Variants in LRRTM4 observed in about 807,000 individuals in gnomAD.
LRRTM4 encodes the protein leucine rich repeat transmembrane neuronal 4, also known as leucine-rich repeat transmembrane neuronal protein 4.
In LRRTM4, 25 loss-of-function variants were observed where a neutral mutation model predicts 47.6. The observed-to-expected ratio is 0.53, with a 90% confidence interval of 0.38 to 0.73. LRRTM4 has a LOEUF of 0.73. Among genes scored for constraint, LRRTM4 ranks in the 30% least tolerant of loss-of-function variants. LRRTM4 has a pLI of 0.00. For missense variants in LRRTM4, 638 were observed against 713.4 expected, an observed-to-expected ratio of 0.89 and a Z score of 1.20; for synonymous variants, 311 against 269.5, an observed-to-expected ratio of 1.15 and a Z score of -1.51.
intron 3 of LRRTM4, among the ~76,000 whole-genome samples, chr2:77,140,877 A>G (rs1390779060): frequency 1.3e-5 from 2 of 152,244 alleles, no homozygotes; most frequent in African/African-American, 4.8e-5. Context: ...AAAAATGCTC[A>G]TCATCACTGG....
At chr2:77,438,034 C>A (rs910850869) in intron 3 of LRRTM4, among the ~76,000 whole-genome samples, 4 of 152,038 alleles carry the variant, frequency 2.6e-5, no homozygotes, top group African/African-American at 9.7e-5. Flanking sequence ...TACTAAATTT[C>A]TTTAGATTAA....
intron 3 of LRRTM4, among the ~76,000 whole-genome samples, chr2:77,107,928 A>C (rs181829118): frequency 6.6e-6 from 1 of 152,256 alleles, no homozygotes; most frequent in East Asian, 1.9e-4. Flanking sequence ...AGTTGTTTAG[A>C]AAATAACAAG....
chr2:76,809,220 A>G (rs1345370541), intron 3 of LRRTM4, among the ~76,000 whole-genome samples: 2 of 152,232 alleles, frequency 1.3e-5, no homozygotes, highest in Non-Finnish European at 2.9e-5. Context: ...AGTCTCCTGT[A>G]CATACACATA....
chr2:77,146,401 A>C lies in LRRTM4; in HGVS notation c.1551+371917T>G, dbSNP rs541853031. 2.0e-4 allele frequency among the ~76,000 whole-genome samples: 31 copies of C among 152,286 alleles called. 1 individual carries two copies. Among genetic ancestry groups the C allele is most frequent in the African/African-American group, 7.5e-4 (31 of 41,584 alleles). On this transcript the variant is annotated intron_variant, in intron 3 of 3. Coordinates refer to ENST00000409884, the MANE Select transcript of LRRTM4 (RefSeq NM_001134745.3). ...TTCCTTATCTTTAGTTCTATGGAGA[A>C]CAGAGACACTAGAAATATGATACTA...
intron 3 of LRRTM4, among the ~76,000 whole-genome samples, chr2:77,050,541 A>G (rs1480622608): frequency 1.3e-5 from 2 of 152,180 alleles, no homozygotes; most frequent in Admixed American, 6.6e-5. Context: ...TAAAGATAAG[A>G]TATCATTATG....
intron 3 of LRRTM4, among the ~76,000 whole-genome samples, chr2:77,265,847 T>A (rs1470940863): frequency 1.3e-5 from 2 of 152,200 alleles, no homozygotes; most frequent in African/African-American, 4.8e-5. Context: ...TAGTTGATTA[T>A]TTTAGAAAAA....
intron 3 of LRRTM4, among the ~76,000 whole-genome samples, chr2:76,754,341 TA>T (rs1235334868): frequency 3.9e-5 from 6 of 152,140 alleles, no homozygotes; most frequent in African/African-American, 1.4e-4. Context: ...CAAGAACTTT[TA>T]TTAAACTGAT....
rs770055399 is a variant in LRRTM4, at chr2:76,974,227, C to CATATATATATATATACATATATATAT, written c.1552-225312_1552-225311insATATATATATGTATATATATATATAT. ...ATATATATACACATATATATACATA[C>CATATATATATATATACATATATATAT]ATATATATATATACATATATATATA... On this transcript the variant is annotated intron_variant, in intron 3 of 3. Coordinates refer to ENST00000409884, the MANE Select transcript of LRRTM4 (RefSeq NM_001134745.3). Among the ~76,000 whole-genome samples, 17 of 125,122 alleles carry CATATATATATATATACATATATATAT rather than the reference C, an allele frequency of 1.4e-4. 1 individual carries two copies. Among genetic ancestry groups the CATATATATATATATACATATATATAT allele is most frequent in the Admixed American group, 1.1e-3 (13 of 11,756 alleles). The allele number at this position is 125,122 out of a possible 152,430, so 82.1% of individuals were successfully genotyped here.
At chr2:77,315,017 G>C (rs1677577634) in intron 3 of LRRTM4, among the ~76,000 whole-genome samples, 1 of 152,190 alleles carries the variant, frequency 6.6e-6, no homozygotes, top group Non-Finnish European at 1.5e-5. Flanking sequence ...GCTAAGCTAT[G>C]AGGCTCAGTA....
intron 3 of LRRTM4, among the ~76,000 whole-genome samples, chr2:76,906,464 T>C (rs902160979): frequency 4.0e-5 from 6 of 151,220 alleles, no homozygotes; most frequent in African/African-American, 1.5e-4. Flanking sequence ...CCAGCTAACA[T>C]CATCAAGACA....
intron 3 of LRRTM4, among the ~76,000 whole-genome samples, chr2:76,913,221 A>T (rs1221503705): frequency 6.6e-6 from 1 of 152,146 alleles, no homozygotes; most frequent in African/African-American, 2.4e-5. Flanking sequence ...TTTGTAAGAG[A>T]TACAGATGTT....
chr2:76,882,778 T>C (rs935595435), intron 3 of LRRTM4, among the ~76,000 whole-genome samples: 1 of 152,052 alleles, frequency 6.6e-6, no homozygotes, highest in Non-Finnish European at 1.5e-5. Flanking sequence ...ATTCAGGTTA[T>C]TGTCTCCACC....
chr2:76,833,552 C>A (rs1199864974), intron 3 of LRRTM4, among the ~76,000 whole-genome samples: 1 of 151,232 alleles, frequency 6.6e-6, no homozygotes, highest in Non-Finnish European at 1.5e-5. Flanking sequence ...AACTGTGTAT[C>A]AGAATATCCA....
intron 3 of LRRTM4, among the ~76,000 whole-genome samples, chr2:77,387,371 C>T (rs1673318828): frequency 6.6e-6 from 1 of 152,094 alleles, no homozygotes; most frequent in African/African-American, 2.4e-5. Context: ...CCATGGACTT[C>T]TCATGTTCCT....
At chr2:77,412,425 T>C (rs1674480174) in intron 3 of LRRTM4, among the ~76,000 whole-genome samples, 1 of 152,230 alleles carries the variant, frequency 6.6e-6, no homozygotes, top group Admixed American at 6.5e-5. Flanking sequence ...AAATATTCTG[T>C]ATTTGCAAGC....
intron 3 of LRRTM4, among the ~76,000 whole-genome samples, chr2:77,056,445 C>G (rs1428847675): frequency 6.6e-6 from 1 of 151,848 alleles, no homozygotes; most frequent in African/African-American, 2.4e-5. Flanking sequence ...CAACATATAT[C>G]TAAAATACAA....
In LRRTM4 at chr2:76,849,563, C is replaced by A. The variant is rs372956509; in HGVS notation, c.1552-100647G>T. Among the ~76,000 whole-genome samples the A allele has an allele frequency of 1.9e-4, 29 of 151,198 alleles. No homozygotes were observed. The East Asian group carries it at 2.6e-3, about 13-fold the overall frequency. On this transcript the variant is annotated intron_variant, in intron 3 of 3. Coordinates refer to ENST00000409884, the MANE Select transcript of LRRTM4 (RefSeq NM_001134745.3). ...AAGACTTCATCAAATAAATGTACTG[C>A]TAATTATACTTCTGTAAAAGGCGAC...
intron 3 of LRRTM4, among the ~76,000 whole-genome samples, chr2:77,138,307 G>A (rs1672009724): frequency 6.6e-6 from 1 of 152,134 alleles, no homozygotes. Flanking sequence ...TAGAACTCAG[G>A]ATTAAGAAAC....
chr2:76,897,210 T>C (rs1385806394), intron 3 of LRRTM4, among the ~76,000 whole-genome samples: 5 of 152,108 alleles, frequency 3.3e-5, no homozygotes, highest in Admixed American at 3.3e-4. Flanking sequence ...GTAGGCAGCG[T>C]CAATAATGCA....
Sources: gnomAD v4.1 joint callset for allele counts (sites outside exome capture counted in the v4.1 genomes callset) on GRCh38, gnomAD v4.1.1 for gene constraint, MANE v1.5 for transcripts, NCBI Gene and HGNC (gene_info 2026-07-23, HGNC 2026-07-21) for gene names.